PLG: variants seen among roughly 807,000 people sequenced by gnomAD.
The protein encoded by PLG is plasmin.
Under a neutral mutation model 104.4 loss-of-function variants are expected in PLG, and 41 were observed. The ratio of observed to expected loss-of-function variants is 0.39; its 90% CI spans 0.31 to 0.51. The LOEUF (loss-of-function observed/expected upper bound fraction) is 0.51, where lower values mean the gene tolerates loss of function less well. Ranked by LOEUF, PLG falls within the 20% of genes least tolerant of loss-of-function variation. The pLI, the probability that PLG is intolerant of heterozygous loss-of-function variation, is 0.76. For synonymous variants in PLG, 337 were observed against 357.1 expected (o/e 0.94, Z 0.63); for missense variants, 891 against 1,003.6 (o/e 0.89, Z 1.52).
At position 160,731,208 on chromosome 6, in the gene PLG, G is replaced by A. The variant is rs4252125; in HGVS notation, c.1414G>A (p.Asp472Asn). The change falls in exon 11 of 19, where the codon GAT (aspartate) becomes AAT (asparagine). Residue 472 changes from aspartate (D) to asparagine (N), a missense_variant. Physicochemically the swap from Asp to Asn is conservative, Grantham distance 23 (BLOSUM62 1). Around this residue, in one of 2 missense-constraint regions of PLG, gnomAD observed 854 missense variants for 932.1 expected, o/e 0.92. Transcript: ENST00000308192. The surrounding 1 kb of genome is among the most constrained non-coding windows in gnomAD (Gnocchi z 5.1). ...ACCTCCGCCTGTTGTCCTGCTTCCA[G>A]ATGTAGAGACTCCTTCCGAAGAAGG... ...VAPPPVVLLPDVETPSEEDCM... is the reference protein window; with the variant it reads ...VAPPPVVLLPNVETPSEEDCM... The A allele has an allele frequency of 0.26, 418,261 of 1,613,350 alleles. 58,614 individuals carry two copies. The highest frequency in any genetic ancestry group is 0.29 in the Non-Finnish European group (343,834 of 1,179,368).
intron 1 of PLG, among the ~76,000 whole-genome samples, chr6:160,704,220 T>C (rs1157043514): frequency 6.6e-6 from 1 of 152,080 alleles, no homozygotes; most frequent in Non-Finnish European, 1.5e-5. Flanking sequence ...TAGAGGTGAA[T>C]AAGAGAAGAA....
At chr6:160,745,751 G>A (rs909766313) in intron 17 of PLG, among the ~76,000 whole-genome samples, 2 of 152,194 alleles carry the variant, frequency 1.3e-5, no homozygotes, top group Non-Finnish European at 2.9e-5. Context: ...GCGTATTTAA[G>A]TATATTTTTG....
chr6:160,728,962 T>C (rs1777958542), intron 10 of PLG, among the ~76,000 whole-genome samples: 1 of 152,146 alleles, frequency 6.6e-6, no homozygotes, highest in Non-Finnish European at 1.5e-5. Flanking sequence ...AAGAAATCAG[T>C]AGGTAAGTAA....
chr6:160,751,395 T>C (rs570300802), intron 17 of PLG, among the ~76,000 whole-genome samples: 3 of 152,318 alleles, frequency 2.0e-5, no homozygotes, highest in African/African-American at 7.2e-5. Context: ...AAAGTGCCTG[T>C]TTCACAGGAC....
chr6:160,748,408 G>GAA (rs1180324820), intron 17 of PLG, among the ~76,000 whole-genome samples: 1 of 72,220 alleles, frequency 1.4e-5, no homozygotes, highest in African/African-American at 5.3e-5. Context: ...AAGGAAGAAA[G>GAA]AAAGAAAGGG....
At chr6:160,716,397 G>T (rs1298826315) in intron 6 of PLG, among the ~76,000 whole-genome samples, 3 of 152,144 alleles carry the variant, frequency 2.0e-5, no homozygotes, top group African/African-American at 7.2e-5. Context: ...AGTTCAAGGA[G>T]TTCAAGGCAA....
chr6:160,745,357 A>G (rs1562382383), intron 17 of PLG, among the ~76,000 whole-genome samples: 2 of 151,816 alleles, frequency 1.3e-5, no homozygotes, highest in East Asian at 3.9e-4. Context: ...TGTATTTAGG[A>G]TAGTAGATCT....
Position 160,707,815 on chromosome 6 carries a change from A to G in PLG, c.292+9A>G. The stretch of plus-strand genomic sequence containing the variant: ...TTTATTTGAAAAGAAAGGTGAGTAC[A>G]TTTTCTTCCTCCTCCTCCTACTGTC... On this transcript the variant is annotated intron_variant, in intron 3 of 18. Transcript: ENST00000308192. The G allele has an allele frequency of 6.3e-7, 1 of 1,590,658 alleles. No individual in the cohort carries two copies. The highest frequency in any genetic ancestry group is 1.1e-5 in the South Asian group (1 of 90,566).
In PLG at chr6:160,739,884, A is replaced by AT. The variant is rs1464652939; in HGVS notation, c.2018+680dup. 1.3e-5 allele frequency among the ~76,000 whole-genome samples: 2 copies of AT among 152,008 alleles called. No individual in the cohort carries two copies. The highest frequency in any genetic ancestry group is 4.8e-5 in the African/African-American group (2 of 41,394). On this transcript the variant is annotated intron_variant, in intron 16 of 18. Transcript: ENST00000308192. The surrounding 1 kb of genome is among the most constrained non-coding windows in gnomAD (Gnocchi z 4.4). ...TATTATTATTGTCTTCTTTGATTTG[A>AT]TTTTCTCTTTCCTGTTGAAATGTTG...
chr6:160,739,760 CAA>C lies in PLG; in HGVS notation c.2018+562_2018+563del, dbSNP rs1307343769. On this transcript the variant is annotated intron_variant, in intron 16 of 18. Coordinates refer to ENST00000308192, the MANE Select transcript of PLG (RefSeq NM_000301.5). This position sits in a 1 kb window ranked among gnomAD's most constrained non-coding sequence, Gnocchi z 4.4. The stretch of plus-strand genomic sequence containing the variant: ...TGGGCGACAGAGTAAGACACTGTAC[CAA>C]AAAAAAAAACACCAAAAAAACAAAA... Among the ~76,000 whole-genome samples the C allele has an allele frequency of 1.0e-5, 1 of 100,018 alleles. No homozygotes were observed. 65.6% of individuals were successfully genotyped at this position (100,018 alleles called of 152,430 possible). A position where few individuals can be genotyped will look rare whatever the true frequency, so the allele number is the denominator to read the frequency against.
Position 160,724,404 on chromosome 6 carries a change from G to C in PLG, c.1256+1837G>C, listed in dbSNP as rs183120928. 2.0e-5 allele frequency among the ~76,000 whole-genome samples: 3 copies of C among 152,148 alleles called. No individual in the cohort carries two copies. The highest frequency in any genetic ancestry group is 7.2e-5 in the African/African-American group (3 of 41,528). On this transcript the variant is annotated intron_variant, in intron 10 of 18. Transcript: ENST00000308192. The surrounding 1 kb of genome is among the most constrained non-coding windows in gnomAD (Gnocchi z 5.0). ...AACTAGAAAATAATTCAATAGAAGTGATACAAACTGCAGCACACACATACA... is the reference window on the plus strand; with the variant it reads ...AACTAGAAAATAATTCAATAGAAGTCATACAAACTGCAGCACACACATACA...
At position 160,732,405 on chromosome 6, in the gene PLG, G is replaced by A. The variant is rs1169628773; in HGVS notation, c.1587+512G>A. On this transcript the variant is annotated intron_variant, in intron 12 of 18. Transcript: ENST00000308192. This position sits in a 1 kb window ranked among gnomAD's most constrained non-coding sequence, Gnocchi z 4.5. Reference sequence around the variant, plus strand: ...TGTGTTCCCCCACTCTCACACCCATGCAGCATAACACTTCTCACACCAGAT... The same window carrying A: ...TGTGTTCCCCCACTCTCACACCCATACAGCATAACACTTCTCACACCAGAT... Among the ~76,000 whole-genome samples, 1 of 152,154 alleles carries A rather than the reference G, an allele frequency of 6.6e-6. No individual in the cohort carries two copies. Among genetic ancestry groups the A allele is most frequent in the Non-Finnish European group, 1.5e-5 (1 of 68,020 alleles).
intron 3 of PLG, among the ~76,000 whole-genome samples, chr6:160,709,859 T>C (rs1777604670): frequency 6.6e-6 from 1 of 152,236 alleles, no homozygotes; most frequent in African/African-American, 2.4e-5. Flanking sequence ...GATCAATTAA[T>C]TAAAAAATGG....
At chr6:160,711,892 T>C in intron 4 of PLG, 1 of 1,379,302 alleles carries the variant, frequency 7.3e-7, no homozygotes, top group Admixed American at 3.4e-5. Flanking sequence ...AATTCAAATG[T>C]TGCAACTTGC....
At chr6:160,706,934 G>T (rs920424940) in intron 2 of PLG, among the ~76,000 whole-genome samples, 2 of 142,472 alleles carry the variant, frequency 1.4e-5, no homozygotes, top group African/African-American at 5.4e-5. Flanking sequence ...TGTAGTCAAA[G>T]AAACTGGATA....
intron 3 of PLG, among the ~76,000 whole-genome samples, chr6:160,710,807 G>A (rs1245711551): frequency 1.3e-5 from 2 of 152,050 alleles, no homozygotes; most frequent in Non-Finnish European, 2.9e-5. Context: ...GCTCCATGAC[G>A]GCCAAGCCTC....
chr6:160,751,448 G>A (rs1778398157), intron 17 of PLG, among the ~76,000 whole-genome samples: 1 of 152,228 alleles, frequency 6.6e-6, no homozygotes, highest in Admixed American at 6.5e-5. Context: ...ATAAGCTTGT[G>A]TCTGGAAAGG....
chr6:160,710,830 GCCCCGTGTGT>G (rs1777626075), intron 3 of PLG, among the ~76,000 whole-genome samples: 1 of 152,174 alleles, frequency 6.6e-6, no homozygotes, highest in Non-Finnish European at 1.5e-5. Context: ...GCTGCACTGT[GCCCCGTGTGT>G]CCCCAGCATC....
At chr6:160,717,450 A>C (rs1279791076) in intron 7 of PLG, among the ~76,000 whole-genome samples, 1 of 137,342 alleles carries the variant, frequency 7.3e-6, no homozygotes, top group Non-Finnish European at 1.6e-5. Context: ...CTTTTTATGA[A>C]TATTAATTTC....
Sources: gnomAD v4.1 joint callset for allele counts (sites outside exome capture counted in the v4.1 genomes callset) on GRCh38, gnomAD v4.1.1 for gene constraint, gnomAD v4.1.1 regional missense constraint, Gnocchi (gnomAD v3.1) non-coding constraint, MANE v1.5 for transcripts, NCBI Gene and HGNC (gene_info 2026-07-23, HGNC 2026-07-21) for gene names.